Variants in KMT2A observed in about 807,000 individuals in gnomAD.
KMT2A encodes the protein lysine methyltransferase 2A.
A neutral mutation model predicts 345.3 loss-of-function variants in KMT2A; 16 were observed. That is an observed-to-expected ratio of 0.05 (90% CI 0.03 to 0.07). The LOEUF is 0.07. KMT2A is among the 10% of genes least tolerant of loss of function. The pLI is 1.00. For synonymous variants in KMT2A, 1,599 were observed against 1,778.6 expected (o/e 0.90, Z 2.54); for missense variants, 3,272 against 4,841.6 (o/e 0.68, Z 9.62).
chr11:118,512,048 C>T, intron 31 of KMT2A, 23 bp downstream of exon 31: 2 of 1,593,970 alleles, frequency 1.3e-6, no homozygotes, highest in Non-Finnish European at 1.7e-6. Flanking sequence ...GGTGTTATTC[C>T]ACTCCTGTCT....
chr11:118,437,977 G>A (rs1949231852), intron 1 of KMT2A, among the ~76,000 whole-genome samples: 1 of 152,052 alleles, frequency 6.6e-6, no homozygotes, highest in African/African-American at 2.4e-5. Flanking sequence ...CACCCACTGC[G>A]CCTGAGAGCA....
intron 5 of KMT2A, among the ~76,000 whole-genome samples, chr11:118,478,632 A>G (rs1950079257): frequency 2.6e-5 from 4 of 152,226 alleles, no homozygotes; most frequent in Admixed American, 1.3e-4. Flanking sequence ...CTTTATGTAT[A>G]ATTTTTGTTG....
Position 118,474,064 on chromosome 11 carries a change from C to T in KMT2A, c.2905C>T (p.Leu969=). 1.2e-6 allele frequency: 2 copies of T among 1,613,730 alleles called. No individual in the cohort carries two copies. Among genetic ancestry groups the T allele is most frequent in the Non-Finnish European group, 1.7e-6 (2 of 1,179,912 alleles). The change falls in exon 3 of 36, where the codon CTG becomes TTG. Residue 969 remains leucine (L), a synonymous_variant. Coordinates refer to ENST00000534358, the MANE Select transcript of KMT2A (RefSeq NM_001197104.2). ...ACTTATAAAGAAAGGGAGAGGAAATCTGGAAAAAACCAACTTGGACCTCGG... is the reference window on the plus strand; with the variant it reads ...ACTTATAAAGAAAGGGAGAGGAAATTTGGAAAAAACCAACTTGGACCTCGG... ...KILIKKGRGN[L]EKTNLDLGPT...
At chr11:118,483,937 G>A (rs184902576) in intron 8 of KMT2A, among the ~76,000 whole-genome samples, 59 of 152,248 alleles carry the variant, frequency 3.9e-4, no homozygotes, top group African/African-American at 1.4e-3. Context: ...GAGAAGCTGA[G>A]GCAGGAGGAT....
chr11:118,458,181 T>C (rs1555031433), intron 1 of KMT2A: 1 of 381,916 alleles, frequency 2.6e-6, no homozygotes, highest in Admixed American at 2.9e-5. Context: ...TCTTCTGGAC[T>C]TAAGTGATTC....
At chr11:118,475,486 G>A (rs1312469544) in intron 3 of KMT2A, among the ~76,000 whole-genome samples, 1 of 152,222 alleles carries the variant, frequency 6.6e-6, no homozygotes, top group Admixed American at 6.5e-5. Context: ...CACTTTGGGA[G>A]GCCGAGGCAG....
At chr11:118,475,579 C>T (rs989832283) in intron 3 of KMT2A, among the ~76,000 whole-genome samples, 1 of 152,062 alleles carries the variant, frequency 6.6e-6, no homozygotes, top group Admixed American at 6.5e-5. Context: ...AAAAATTAGC[C>T]AGACATGGTG....
chr11:118,482,303 G>T, intron 7 of KMT2A, 119 bp from the exon 8 acceptor site: 1 of 905,496 alleles, frequency 1.1e-6, no homozygotes, highest in Non-Finnish European at 1.6e-6. Context: ...TTTCCTGTTC[G>T]AAGCCTAGAG....
chr11:118,483,090 G>A (rs1294730029), intron 8 of KMT2A, among the ~76,000 whole-genome samples: 9 of 151,598 alleles, frequency 5.9e-5, no homozygotes, highest in African/African-American at 1.2e-4. Context: ...AAAATTAGCC[G>A]GTTGTGGTAG....
chr11:118,500,038 T>C, intron 24 of KMT2A, 125 bp downstream of exon 24: 1 of 633,610 alleles, frequency 1.6e-6, no homozygotes, highest in Non-Finnish European at 2.8e-6. Context: ...AATTAATCAC[T>C]TATTTTGCTA....
At chr11:118,500,826 A>G in intron 24 of KMT2A, 161 bp from the exon 25 acceptor site, 1 of 443,396 alleles carries the variant, frequency 2.3e-6, no homozygotes, top group Non-Finnish European at 3.9e-6. Context: ...AAAGCTTGGA[A>G]CAACCTAACT....
chr11:118,486,125 A>G (rs1476170774), intron 10 of KMT2A, among the ~76,000 whole-genome samples: 3 of 152,162 alleles, frequency 2.0e-5, no homozygotes, highest in African/African-American at 7.2e-5. Context: ...GGCAAATATG[A>G]AGTCCTAAAG....
chr11:118,446,387 C>T (rs1341077796), intron 1 of KMT2A, among the ~76,000 whole-genome samples: 3 of 152,142 alleles, frequency 2.0e-5, no homozygotes, highest in Admixed American at 2.0e-4. Flanking sequence ...GATTTGCTAA[C>T]ATACTCAGTA....
At position 118,474,011 on chromosome 11, in the gene KMT2A, G is replaced by A. The variant is rs374385218; in HGVS notation, c.2852G>A (p.Gly951Glu). Residue 951 changes from glycine (G) to glutamate (E), a missense_variant, in exon 3 of 36, where the codon GGG becomes GAG. By Grantham distance (98) the Gly-to-Glu change is moderately conservative. Coordinates refer to ENST00000534358, the MANE Select transcript of KMT2A (RefSeq NM_001197104.2). ...SGTDITSVTL[G>E]DTTAVKTKIL... ...ACTGATATTACTTCTGTGACTCTTGGGGATACAACAGCTGTCAAAACCAAA... is the reference window on the plus strand; with the variant it reads ...ACTGATATTACTTCTGTGACTCTTGAGGATACAACAGCTGTCAAAACCAAA... 1 of 1,613,804 alleles carries A rather than the reference G, an allele frequency of 6.2e-7. No homozygotes were observed. Among genetic ancestry groups the A allele is most frequent in the Admixed American group, 1.7e-5 (1 of 59,946 alleles).
Position 118,506,543 on chromosome 11 carries a change from G to C in KMT2A, c.10651G>C (p.Asp3551His). The change falls in exon 27 of 36, where the codon GAC becomes CAC. Residue 3551 changes from aspartate (D) to histidine (H), a missense_variant. Transcript: ENST00000534358. The stretch of plus-strand genomic sequence containing the variant: ...AACCAAACGGTTTCAGCTGCCTCTA[G>C]ACAAAGGGAATGGCAAGAAGCACAA... ...PKTKRFQLPL[D>H]KGNGKKHKVS... The C allele has an allele frequency of 6.2e-7, 1 of 1,614,188 alleles. No individual in the cohort carries two copies. Among genetic ancestry groups the C allele is most frequent in the Non-Finnish European group, 8.5e-7 (1 of 1,180,050 alleles).
chr11:118,521,823 GA>G lies in KMT2A; in HGVS notation c.11644-72del, dbSNP rs1305733107. 2 of 1,490,188 alleles carry G rather than the reference GA, an allele frequency of 1.3e-6. No homozygotes were observed. The highest frequency in any genetic ancestry group is 1.2e-5 in the South Asian group (1 of 82,516). 92.3% of individuals were successfully genotyped at this position (1,490,188 alleles called of 1,614,324 possible). A position where few individuals can be genotyped will look rare whatever the true frequency, so the allele number is the denominator to read the frequency against. ...TCAGCCGCTATAGGTAACATCAAGA[GA>G]AGATTGGGACATGTTCTTAAAGCTG... On this transcript the variant is annotated intron_variant, in intron 35 of 35. Transcript: ENST00000534358. The surrounding 1 kb of genome is among the most constrained non-coding windows in gnomAD (Gnocchi z 5.3).
At chr11:118,451,011 A>G (rs1221561617) in intron 1 of KMT2A, among the ~76,000 whole-genome samples, 1 of 152,172 alleles carries the variant, frequency 6.6e-6, no homozygotes, top group Non-Finnish European at 1.5e-5. Context: ...TACTACAAAT[A>G]ATGAAAAAGT....
intron 1 of KMT2A, chr11:118,450,316 T>C (rs1949510107): frequency 6.6e-6 from 1 of 152,204 alleles, no homozygotes. Context: ...TTTTTGTTTT[T>C]TTGTTTTTAA....
intron 5 of KMT2A, among the ~76,000 whole-genome samples, chr11:118,479,424 T>C (rs1555038607): frequency 1.3e-5 from 2 of 152,212 alleles, no homozygotes; most frequent in Non-Finnish European, 2.9e-5. Flanking sequence ...TCAATAGATA[T>C]TTGCTGAATG....
Sources: allele counts gnomAD v4.1 joint callset (sites outside exome capture counted in the v4.1 genomes callset), GRCh38; gene constraint gnomAD v4.1.1; non-coding constraint Gnocchi (gnomAD v3.1); transcripts MANE v1.5; gene names NCBI Gene and HGNC (gene_info 2026-07-23, HGNC 2026-07-21).